Variants in DGKB observed in about 807,000 individuals in gnomAD.
The protein encoded by DGKB is diacylglycerol kinase beta.
DGKB carries 67 observed loss-of-function variants against 114.3 expected under a neutral mutation model. The observed-to-expected ratio is 0.59, with a 90% confidence interval of 0.48 to 0.72. The LOEUF (loss-of-function observed/expected upper bound fraction) is 0.72, where lower values mean the gene tolerates loss of function less well. DGKB is among the 30% of genes least tolerant of loss of function. The pLI is 0.00. For synonymous variants in DGKB, 398 were observed against 323.1 expected (o/e 1.23, Z -2.49); for missense variants, 907 against 975.2 (o/e 0.93, Z 0.93).
chr7:14,725,875 T>C (rs1044420516), intron 5 of DGKB, among the ~76,000 whole-genome samples: 1 of 152,132 alleles, frequency 6.6e-6, no homozygotes. Flanking sequence ...CTTTATGCTA[T>C]GTATGCACAC....
At chr7:14,664,780 C>T (rs557348962) in intron 13 of DGKB, among the ~76,000 whole-genome samples, 49 of 152,028 alleles carry the variant, frequency 3.2e-4, no homozygotes, top group South Asian at 1.2e-3. Flanking sequence ...AATATTTAAC[C>T]TCTTTGGATG....
intron 17 of DGKB, among the ~76,000 whole-genome samples, chr7:14,591,506 T>C (rs1488434752): frequency 6.6e-6 from 1 of 152,062 alleles, no homozygotes; most frequent in African/African-American, 2.4e-5. Flanking sequence ...AAAGCAAGCC[T>C]ATTATTTGGG....
intron 21 of DGKB, among the ~76,000 whole-genome samples, chr7:14,458,849 C>G (rs1315030489): frequency 6.6e-6 from 1 of 152,162 alleles, no homozygotes; most frequent in Non-Finnish European, 1.5e-5. Context: ...ACCAGCAAGA[C>G]AGAACCGTTC....
intron 23 of DGKB, among the ~76,000 whole-genome samples, chr7:14,244,655 G>A (rs1363983774): frequency 7.6e-6 from 1 of 131,136 alleles, no homozygotes; most frequent in Admixed American, 8.1e-5. Context: ...GGGTGACAGA[G>A]TGAGACTCTG....
chr7:14,253,039 T>A (rs1795461060), intron 23 of DGKB, among the ~76,000 whole-genome samples: 1 of 134,962 alleles, frequency 7.4e-6, no homozygotes, highest in Non-Finnish European at 1.5e-5. Flanking sequence ...TTTAAATTCA[T>A]TTTTTTTTTT....
At chr7:14,508,687 A>C (rs530180713) in intron 20 of DGKB, among the ~76,000 whole-genome samples, 2 of 152,310 alleles carry the variant, frequency 1.3e-5, no homozygotes, top group East Asian at 1.9e-4. Context: ...CATCTGTTAG[A>C]TAAGTTGATA....
intron 9 of DGKB, among the ~76,000 whole-genome samples, chr7:14,691,024 C>G (rs2128989206): frequency 1.3e-5 from 2 of 152,276 alleles, no homozygotes; most frequent in South Asian, 4.1e-4. Flanking sequence ...AAAGATATGG[C>G]TCTTGCTCTC....
chr7:14,944,469 C>T (rs1320717239), intron 1 of DGKB, among the ~76,000 whole-genome samples: 2 of 151,954 alleles, frequency 1.3e-5, no homozygotes, highest in Non-Finnish European at 2.9e-5. Flanking sequence ...TTCATAATCA[C>T]ATTTGCCTTT....
intron 20 of DGKB, among the ~76,000 whole-genome samples, chr7:14,509,848 C>T (rs943906065): frequency 3.3e-5 from 5 of 152,160 alleles, no homozygotes; most frequent in African/African-American, 4.8e-5. Context: ...GAAAGTGAGT[C>T]ACACAAAATT....
At chr7:14,715,804 A>C (rs973208325) in intron 6 of DGKB, among the ~76,000 whole-genome samples, 1 of 152,306 alleles carries the variant, frequency 6.6e-6, no homozygotes, top group South Asian at 2.1e-4. Context: ...ATAAGCAAAA[A>C]GTGGTTTTGT....
intron 17 of DGKB, among the ~76,000 whole-genome samples, chr7:14,602,611 T>C (rs1269719193): frequency 6.6e-6 from 1 of 152,076 alleles, no homozygotes; most frequent in Non-Finnish European, 1.5e-5. Context: ...CAGCATTCAT[T>C]CTCTCCAGAG....
intron 2 of DGKB, among the ~76,000 whole-genome samples, chr7:14,821,850 T>G (rs765413800): frequency 3.3e-5 from 5 of 152,132 alleles, no homozygotes; most frequent in Non-Finnish European, 5.9e-5. Context: ...CTGTGGTAGT[T>G]CAGGAAAGAC....
chr7:14,835,178 A>G (rs967045751), intron 2 of DGKB, among the ~76,000 whole-genome samples: 3 of 152,314 alleles, frequency 2.0e-5, no homozygotes, highest in African/African-American at 7.2e-5. Flanking sequence ...TTGCAGATTC[A>G]AGTTTCAGAC....
rs62444579 is a variant in DGKB at position 14,362,854 on chromosome 7, A to G, written c.1836-17463T>C. 8.6e-3 allele frequency among the ~76,000 whole-genome samples: 1,303 copies of G among 152,178 alleles called. 16 individuals are homozygous for G. Among genetic ancestry groups the G allele is most frequent in the Middle Eastern group, 0.014 (4 of 294 alleles). ...TTCCCATTCCTGTAAGCTTCCTTCT[A>G]TGCAGTGAGACTGTGCTGCTGCTTC... On this transcript the variant is annotated intron_variant, in intron 21 of 25. Transcript: ENST00000402815.
chr7:14,466,784 C>A (rs1028498783), intron 21 of DGKB, among the ~76,000 whole-genome samples: 2 of 152,146 alleles, frequency 1.3e-5, no homozygotes, highest in African/African-American at 4.8e-5. Context: ...CGCCACTGCA[C>A]TGCAGCCTGG....
intron 20 of DGKB, among the ~76,000 whole-genome samples, chr7:14,499,607 G>T (rs1785818734): frequency 6.6e-6 from 1 of 151,722 alleles, no homozygotes; most frequent in African/African-American, 2.4e-5. Flanking sequence ...AGATCATCTT[G>T]TTTGAAAATT....
intron 21 of DGKB, among the ~76,000 whole-genome samples, chr7:14,395,556 G>T (rs979105778): frequency 1.3e-5 from 2 of 151,730 alleles, no homozygotes; most frequent in African/African-American, 4.8e-5. Context: ...ATAGTGATGA[G>T]ATTTAAACAA....
intron 4 of DGKB, among the ~76,000 whole-genome samples, chr7:14,749,685 T>G (rs1308698166): frequency 1.3e-5 from 2 of 152,146 alleles, no homozygotes; most frequent in Non-Finnish European, 2.9e-5. Context: ...ACACCAAACA[T>G]TTTTTGGTGT....
chr7:14,177,448 C>T (rs965675113), intron 24 of DGKB, among the ~76,000 whole-genome samples: 1 of 149,612 alleles, frequency 6.7e-6, no homozygotes, highest in Non-Finnish European at 1.5e-5. Flanking sequence ...CCCAGATACT[C>T]GGGAGGATGA....
Sources: allele counts gnomAD v4.1 joint callset (sites outside exome capture counted in the v4.1 genomes callset), GRCh38; gene constraint gnomAD v4.1.1; transcripts MANE v1.5; gene names NCBI Gene and HGNC (gene_info 2026-07-23, HGNC 2026-07-21).